The following CCDC150 variants were observed in gnomAD, a reference collection of about 807,000 sequenced individuals.
The protein encoded by CCDC150 is coiled-coil domain-containing protein 150.
A neutral mutation model predicts 156.5 loss-of-function variants in CCDC150; 151 were observed. The ratio of observed to expected loss-of-function variants is 0.97; its 90% CI spans 0.85 to 1.10. The LOEUF (loss-of-function observed/expected upper bound fraction) is 1.10, where lower values mean the gene tolerates loss of function less well. CCDC150 is among the 50% of genes least tolerant of loss of function. The pLI is 0.00. For missense variants in CCDC150, 1,312 were observed against 1,268.1 expected, an observed-to-expected ratio of 1.03 and a Z score of -0.53; for synonymous variants, 452 against 429.4, an observed-to-expected ratio of 1.05 and a Z score of -0.65.
intron 21 of CCDC150, 30 bp from the exon 22 acceptor site, chr2:196,725,943 G>A (rs1230495570): frequency 2.9e-5 from 46 of 1,561,708 alleles, no homozygotes; most frequent in Non-Finnish European, 3.9e-5. Flanking sequence ...ATTTCTAAAG[G>A]TGACTTATCA....
At chr2:196,729,409 C>T in intron 23 of CCDC150, 22 bp downstream of exon 23, 1 of 1,608,560 alleles carries the variant, frequency 6.2e-7, no homozygotes, top group Non-Finnish European at 8.5e-7. Context: ...AACCTCTTCT[C>T]ACTTCCTGGA....
At position 196,656,704 on chromosome 2, in the gene CCDC150, A is replaced by C. The variant is rs751444452; in HGVS notation, c.248A>C (p.Glu83Ala). Residue 83 changes from glutamate (E) to alanine (A), a missense_variant, in exon 3 of 28, where the codon GAA becomes GCA. Physicochemically the swap from Glu to Ala is moderately radical, Grantham distance 107 (BLOSUM62 -1). Coordinates refer to ENST00000389175, the MANE Select transcript of CCDC150 (RefSeq NM_001080539.2). Reference protein sequence around the residue: ...SQKVISPIQNEAICAGKTDIL... With the variant: ...SQKVISPIQNAAICAGKTDIL... ...AAAGTCATTAGTCCTATCCAAAATG[A>C]AGCAATTTGTGCAGGAAAAACAGAT... 6.2e-6 allele frequency: 10 copies of C among 1,613,666 alleles called. No individual in the cohort carries two copies. In the Admixed American group the frequency reaches 1.7e-4, roughly 27 times the overall value.
chr2:196,678,960 A>G (rs1694660828), intron 13 of CCDC150, among the ~76,000 whole-genome samples: 1 of 152,174 alleles, frequency 6.6e-6, no homozygotes. Context: ...TTGAGATAAA[A>G]ACATAGCATT....
At chr2:196,665,958 T>C (rs559306250) in intron 6 of CCDC150, among the ~76,000 whole-genome samples, 54 of 152,294 alleles carry the variant, frequency 3.5e-4, no homozygotes, top group African/African-American at 1.3e-3. Flanking sequence ...AGGTGAACTC[T>C]TAGCTCCTAA....
chr2:196,719,374 A>G (rs927135151), intron 18 of CCDC150, 123 bp from the exon 19 acceptor site: 14 of 656,848 alleles, frequency 2.1e-5, no homozygotes, highest in African/African-American at 9.4e-5. Context: ...AATTATTCCC[A>G]CTAGCATCCT....
chr2:196,710,377 G>A (rs1410580160), intron 15 of CCDC150, among the ~76,000 whole-genome samples: 1 of 150,184 alleles, frequency 6.7e-6, no homozygotes, highest in Non-Finnish European at 1.5e-5. Context: ...TTGGGCAGGA[G>A]TGTCCTGTTT....
At chr2:196,726,185 C>T in intron 22 of CCDC150, 86 bp downstream of exon 22, 1 of 1,452,478 alleles carries the variant, frequency 6.9e-7, no homozygotes, top group Non-Finnish European at 9.4e-7. Context: ...TACAGTTGTT[C>T]TTTGACTCCT....
chr2:196,702,987 C>T (rs139633016), intron 15 of CCDC150, among the ~76,000 whole-genome samples: 39 of 152,214 alleles, frequency 2.6e-4, no homozygotes, highest in African/African-American at 7.5e-4. Context: ...AACTCAAGAG[C>T]GAGAACTTAT....
At chr2:196,713,449 A>C (rs1697274036) in intron 17 of CCDC150, 2 of 1,550,880 alleles carry the variant, frequency 1.3e-6, no homozygotes, top group East Asian at 2.4e-5. Context: ...TAAAGGAAAG[A>C]ACGTCATCAG....
chr2:196,661,026 T>C (rs1693527674), intron 5 of CCDC150, among the ~76,000 whole-genome samples: 1 of 152,216 alleles, frequency 6.6e-6, no homozygotes, highest in Non-Finnish European at 1.5e-5. Flanking sequence ...GGATGTCCAG[T>C]GTTTCCAGCA....
intron 21 of CCDC150, among the ~76,000 whole-genome samples, chr2:196,724,032 T>G (rs1698074741): frequency 6.6e-6 from 1 of 152,168 alleles, no homozygotes; most frequent in South Asian, 2.1e-4. Flanking sequence ...GGAAGGGTTA[T>G]CTTTAAAGAT....
Position 196,729,248 on chromosome 2 carries a change from A to T in CCDC150, c.2612A>T (p.Asn871Ile). The change falls in exon 23 of 28, where the codon AAC (asparagine) becomes ATC (isoleucine). Residue 871 changes from asparagine (N) to isoleucine (I), a missense_variant. Asn to Ile is a moderately radical substitution (Grantham distance 149, BLOSUM62 -3). Transcript: ENST00000389175. ...AGATCAGTGGAAGTGTCCCGGACCAACCGAGAGCTGCGACAGAAACTTGCA... is the reference window on the plus strand; with the variant it reads ...AGATCAGTGGAAGTGTCCCGGACCATCCGAGAGCTGCGACAGAAACTTGCA... ...NFRSVEVSRTNRELRQKLAEL... is the reference protein window; with the variant it reads ...NFRSVEVSRTIRELRQKLAEL... The T allele has an allele frequency of 6.2e-7, 1 of 1,613,992 alleles. No homozygotes were observed. The highest frequency in any genetic ancestry group is 8.5e-7 in the Non-Finnish European group (1 of 1,179,870).
chr2:196,716,846 CTTTTTTTTTTTTT>C (rs775962426), intron 17 of CCDC150, among the ~76,000 whole-genome samples: 2 of 74,370 alleles, frequency 2.7e-5, no homozygotes, highest in African/African-American at 5.6e-5. Context: ...AAATAACATT[CTTTTTTTTTTTTT>C]TTTTTTTTTT....
intron 1 of CCDC150, among the ~76,000 whole-genome samples, chr2:196,645,656 C>G (rs1050157488): frequency 6.6e-6 from 1 of 152,130 alleles, no homozygotes; most frequent in Non-Finnish European, 1.5e-5. Flanking sequence ...TCTCACTATT[C>G]TTATTTATTT....
At chr2:196,710,691 G>C (rs1213221290) in intron 15 of CCDC150, among the ~76,000 whole-genome samples, 1 of 152,182 alleles carries the variant, frequency 6.6e-6, no homozygotes, top group Non-Finnish European at 1.5e-5. Flanking sequence ...GTACATTAGA[G>C]TTACATGTGT....
chr2:196,701,845 A>G (rs910117539), intron 15 of CCDC150, among the ~76,000 whole-genome samples: 1 of 152,252 alleles, frequency 6.6e-6, no homozygotes, highest in African/African-American at 2.4e-5. Flanking sequence ...AAATAAAAGA[A>G]TATTAATGGT....
chr2:196,652,218 A>T (rs1266569718), intron 2 of CCDC150, among the ~76,000 whole-genome samples: 5 of 152,228 alleles, frequency 3.3e-5, no homozygotes, highest in Admixed American at 3.3e-4. Context: ...ACTTCTCAAT[A>T]GTACACTAAA....
chr2:196,653,164 A>C (rs1692982106), intron 2 of CCDC150, among the ~76,000 whole-genome samples: 1 of 152,196 alleles, frequency 6.6e-6, no homozygotes, highest in Admixed American at 6.5e-5. Flanking sequence ...TAGTCATGCT[A>C]ATCTCTCTAG....
chr2:196,669,793 A>T (rs1204667769), intron 7 of CCDC150, 40 bp from the exon 8 acceptor site: 2 of 1,338,398 alleles, frequency 1.5e-6, no homozygotes, highest in Non-Finnish European at 2.1e-6. Context: ...TAATGTAGCA[A>T]GTTACTATTA....
Sources: gnomAD v4.1 joint callset for allele counts (sites outside exome capture counted in the v4.1 genomes callset) on GRCh38, gnomAD v4.1.1 for gene constraint, MANE v1.5 for transcripts, NCBI Gene and HGNC (gene_info 2026-07-23, HGNC 2026-07-21) for gene names.